Variants in REDIC1 observed in about 807,000 individuals in gnomAD.
The protein encoded by REDIC1 is HEI10 Interacting Protein 1.
the REDIC1 span, chr12:39,829,414 T>TTTTTTTA: frequency 1.3e-5 from 1 of 74,150 alleles, no homozygotes; most frequent in Non-Finnish European, 2.9e-5. Context: ...TTTTTTTTTT[T>TTTTTTTA]TCTTTTTTTT....
chr12:39,809,508 T>A, the REDIC1 span, among the ~76,000 whole-genome samples: 2,694 of 152,212 alleles, frequency 0.018, 79 homozygotes, highest in African/African-American at 0.059. Context: ...ACATCTTTTT[T>A]AAAAATTATT....
At chr12:39,871,240 G>A in the REDIC1 span, among the ~76,000 whole-genome samples, 11 of 152,146 alleles carry the variant, frequency 7.2e-5, no homozygotes, top group South Asian at 1.9e-3. Flanking sequence ...AAAAGGTTTT[G>A]CTTTATTTTG....
the REDIC1 span, chr12:39,872,078 C>T: frequency 2.6e-6 from 2 of 755,646 alleles, no homozygotes; most frequent in Non-Finnish European, 3.8e-6. Flanking sequence ...ACAGTAATAA[C>T]ATCAAATTAA....
the REDIC1 span, chr12:39,684,084 A>G: frequency 8.6e-6 from 8 of 933,452 alleles, no homozygotes; most frequent in South Asian, 4.8e-5. Flanking sequence ...ATTGAAAACA[A>G]TTATGTTTCA....
the REDIC1 span, among the ~76,000 whole-genome samples, chr12:39,871,613 A>AC: frequency 1.4e-4 from 22 of 152,028 alleles, no homozygotes; most frequent in Non-Finnish European, 3.2e-4. Context: ...GTTTCTAGTC[A>AC]CGTAGCGTAA....
chr12:39,708,126 A>C, the REDIC1 span, among the ~76,000 whole-genome samples: 1 of 151,794 alleles, frequency 6.6e-6, no homozygotes, highest in Non-Finnish European at 1.5e-5. Context: ...ATAGTGAATA[A>C]AAATTGAATT....
chr12:39,735,060 T>C, the REDIC1 span, among the ~76,000 whole-genome samples: 1 of 152,238 alleles, frequency 6.6e-6, no homozygotes, highest in African/African-American at 2.4e-5. Context: ...TGAAAGTTAT[T>C]TTAAGCCACT....
At chr12:39,757,610 T>C in the REDIC1 span, 16 of 151,874 alleles carry the variant, frequency 1.1e-4, no homozygotes, top group Admixed American at 1.1e-3. Flanking sequence ...TATGGAATAT[T>C]ATCTTTAACA....
the REDIC1 span, among the ~76,000 whole-genome samples, chr12:39,792,256 T>C: frequency 1.7e-4 from 25 of 143,328 alleles, no homozygotes; most frequent in East Asian, 4.8e-3. Flanking sequence ...ACGTTAGACC[T>C]AAAACCATAA....
At chr12:39,680,033 A>G in the REDIC1 span, among the ~76,000 whole-genome samples, 2 of 152,252 alleles carry the variant, frequency 1.3e-5, no homozygotes, top group Non-Finnish European at 2.9e-5. Context: ...TAAAAATTCT[A>G]GAAGATAACA....
chr12:39,749,489 G>C, the REDIC1 span, among the ~76,000 whole-genome samples: 3 of 152,134 alleles, frequency 2.0e-5, no homozygotes, highest in Non-Finnish European at 4.4e-5. Context: ...TCTACCAGAG[G>C]TACAAGGAGG....
chr12:39,728,607 G>GT, the REDIC1 span, among the ~76,000 whole-genome samples: 5 of 151,664 alleles, frequency 3.3e-5, no homozygotes, highest in African/African-American at 4.8e-5. Context: ...CTGAAATTTT[G>GT]TTTTTTTATT....
At chr12:39,743,839 T>C in the REDIC1 span, among the ~76,000 whole-genome samples, 1 of 152,108 alleles carries the variant, frequency 6.6e-6, no homozygotes, top group Non-Finnish European at 1.5e-5. Flanking sequence ...CTCTAAGAAC[T>C]GTGGGGCAAC....
At chr12:39,790,493 G>C in the REDIC1 span, among the ~76,000 whole-genome samples, 3 of 150,556 alleles carry the variant, frequency 2.0e-5, no homozygotes, top group Non-Finnish European at 4.4e-5. Context: ...TCTTGTGATA[G>C]TTTGCTGAGA....
At chr12:39,905,469 G>C in the REDIC1 span, among the ~76,000 whole-genome samples, 1 of 152,066 alleles carries the variant, frequency 6.6e-6, no homozygotes, top group Admixed American at 6.6e-5. Flanking sequence ...TTTTAATTAA[G>C]TTTCTAGAAG....
the REDIC1 span, among the ~76,000 whole-genome samples, chr12:39,776,461 G>C: frequency 3.3e-5 from 5 of 152,220 alleles, no homozygotes; most frequent in African/African-American, 9.6e-5. Context: ...GGTGGGTGCT[G>C]TATACCAGAG....
the REDIC1 span, among the ~76,000 whole-genome samples, chr12:39,711,340 T>C: frequency 6.8e-6 from 1 of 148,066 alleles, no homozygotes; most frequent in African/African-American, 2.5e-5. Flanking sequence ...ATCACATATA[T>C]ACATCTATAT....
At chr12:39,696,558 A>AT in the REDIC1 span, among the ~76,000 whole-genome samples, 2 of 137,720 alleles carry the variant, frequency 1.5e-5, no homozygotes, top group African/African-American at 2.8e-5. Context: ...AAAAAAAAAA[A>AT]AAAAAAAAAA....
chr12:39,727,585 G>C, the REDIC1 span, among the ~76,000 whole-genome samples: 1 of 152,192 alleles, frequency 6.6e-6, no homozygotes, highest in Non-Finnish European at 1.5e-5. Flanking sequence ...TTTTTGCTTA[G>C]GGTTGTCTTG....
Sources: allele counts gnomAD v4.1 joint callset (sites outside exome capture counted in the v4.1 genomes callset), GRCh38; gene constraint gnomAD v4.1.1; transcripts MANE v1.5; gene names NCBI Gene and HGNC (gene_info 2026-07-23, HGNC 2026-07-21).